FAM135A: variants seen among roughly 807,000 people sequenced by gnomAD.
FAM135A encodes protein FAM135A.
FAM135A carries 79 observed loss-of-function variants against 146.8 expected under a neutral mutation model. The observed-to-expected ratio is 0.54, with a 90% CI of 0.45 to 0.65. The LOEUF is 0.65. Ranked by LOEUF, FAM135A falls within the 30% of genes least tolerant of loss-of-function variation. The pLI is 0.00. For synonymous variants in FAM135A, 562 were observed against 603.6 expected (o/e 0.93, Z 1.01); for missense variants, 1,623 against 1,758.2 (o/e 0.92, Z 1.38).
chr6:70,429,706 T>C (rs746913175), intron 4 of FAM135A, among the ~76,000 whole-genome samples: 4 of 152,114 alleles, frequency 2.6e-5, no homozygotes, highest in Middle Eastern at 3.2e-3. Context: ...TAAAATTTTA[T>C]CACTATTATT....
chr6:70,483,630 A>C (rs1461684313), intron 10 of FAM135A, among the ~76,000 whole-genome samples: 1 of 152,184 alleles, frequency 6.6e-6, no homozygotes, highest in Admixed American at 6.5e-5. Flanking sequence ...TTATGTTTCA[A>C]ATATCTTTAT....
In FAM135A at chr6:70,526,798, C is replaced by CAT. The variant is rs1408932139; in HGVS notation, c.3614+101_3614+102insTA. ...ACACACACACACACACACACACACA[C>CAT]ACACATATATATATAAAATCATAGA... On this transcript the variant is annotated intron_variant, in intron 15 of 21. Coordinates refer to ENST00000418814, the MANE Select transcript of FAM135A (RefSeq NM_001162529.3). The CAT allele has an allele frequency of 2.4e-4, 185 of 762,558 alleles. No homozygotes were observed. In the East Asian group the frequency reaches 2.7e-3, roughly 11 times the overall value. The allele number at this position is 762,558 out of a possible 1,614,324, so 47.2% of individuals were successfully genotyped here.
chr6:70,461,669 A>G (rs1779477596), intron 5 of FAM135A, among the ~76,000 whole-genome samples: 1 of 152,102 alleles, frequency 6.6e-6, no homozygotes, highest in South Asian at 2.1e-4. Context: ...GAAGAAGAGA[A>G]CTCCCGAAAG....
At position 70,477,199 on chromosome 6, in the gene FAM135A, A is replaced by C. The variant is rs1286215247; in HGVS notation, c.409A>C (p.Thr137Pro). The C allele has an allele frequency of 6.2e-7, 1 of 1,613,656 alleles. No individual in the cohort carries two copies. Among genetic ancestry groups the C allele is most frequent in the African/African-American group, 1.3e-5 (1 of 75,032 alleles). The change falls in exon 8 of 22, where the codon ACA becomes CCA. Residue 137 changes from threonine to proline, a missense_variant. Thr to Pro is a conservative substitution (Grantham distance 38). Around this residue, in one of 7 missense-constraint regions of FAM135A, gnomAD observed 171 missense variants for 164.9 expected, o/e 1.04. Transcript: ENST00000418814. ...TGCCTTGCAACTAATAAGTAGCCGA[A>C]CATTGAAGCTGCACTTTAGCCCCCA... is the stretch of plus-strand genomic sequence containing the variant. ...LNALQLISSR[T>P]LKLHFSPHRG...
At chr6:70,484,405 G>T (rs1784250692) in intron 10 of FAM135A, among the ~76,000 whole-genome samples, 1 of 152,140 alleles carries the variant, frequency 6.6e-6, no homozygotes, top group Non-Finnish European at 1.5e-5. Context: ...CTAAAAGGTA[G>T]TATGTTTATT....
Position 70,524,778 on chromosome 6 carries a change from T to C in FAM135A, c.1694T>C (p.Met565Thr). The change falls in exon 15 of 22, where the codon ATG becomes ACG. Residue 565 changes from methionine to threonine, a missense_variant. Transcript: ENST00000418814. The stretch of plus-strand genomic sequence containing the variant: ...TATAATTTTGACCCAAAGACCTACA[T>C]GAGACAGACAAGTCAAAAGGAAGCT... ...CGYNFDPKTYMRQTSQKEASC... is the reference protein window; with the variant it reads ...CGYNFDPKTYTRQTSQKEASC... 6.4e-7 allele frequency: 1 copy of C among 1,551,544 alleles called. No individual in the cohort carries two copies. The highest frequency in any genetic ancestry group is 1.2e-5 in the South Asian group (1 of 83,960).
chr6:70,430,494 T>C (rs948897117), intron 4 of FAM135A, among the ~76,000 whole-genome samples: 1 of 152,216 alleles, frequency 6.6e-6, no homozygotes, highest in African/African-American at 2.4e-5. Context: ...TTAAAAAACT[T>C]TGTGGACTGT....
At chr6:70,508,059 T>A (rs552699640) in intron 12 of FAM135A, among the ~76,000 whole-genome samples, 1 of 152,254 alleles carries the variant, frequency 6.6e-6, no homozygotes, top group South Asian at 2.1e-4. Flanking sequence ...TGAGCCTAGA[T>A]TTCCACAGCT....
At chr6:70,430,849 A>T (rs947064002) in intron 4 of FAM135A, among the ~76,000 whole-genome samples, 2 of 152,216 alleles carry the variant, frequency 1.3e-5, no homozygotes, top group South Asian at 2.1e-4. Flanking sequence ...GATTCTGCTT[A>T]TAAAATGACT....
Position 70,560,182 on chromosome 6 carries a change from G to A in FAM135A, c.*261G>A. Reference sequence around the variant, plus strand: ...TATATTTTGCTACCTAAGTATTTCAGTGAAACTTTAAGCCCATACCTGTGT... The same window carrying A: ...TATATTTTGCTACCTAAGTATTTCAATGAAACTTTAAGCCCATACCTGTGT... On this transcript the variant is annotated 3_prime_UTR_variant, in exon 22 of 22. Coordinates refer to ENST00000418814, the MANE Select transcript of FAM135A (RefSeq NM_001162529.3). 2.9e-6 allele frequency: 1 copy of A among 342,048 alleles called. No individual in the cohort carries two copies. The highest frequency in any genetic ancestry group is 3.5e-5 in the South Asian group (1 of 28,268). 21.2% of individuals were successfully genotyped at this position (342,048 alleles called of 1,614,324 possible).
chr6:70,426,373 G>T (rs1770153472), intron 2 of FAM135A, 66 bp from the exon 3 acceptor site: 1 of 152,060 alleles, frequency 6.6e-6, no homozygotes, highest in Admixed American at 6.5e-5. Flanking sequence ...CAAAACATAG[G>T]TTTCCTTAAG....
Position 70,453,518 on chromosome 6 carries a change from A to G in FAM135A, c.157+947A>G, listed in dbSNP as rs1310573223. On this transcript the variant is annotated intron_variant, in intron 5 of 21. Coordinates refer to ENST00000418814, the MANE Select transcript of FAM135A (RefSeq NM_001162529.3). The stretch of plus-strand genomic sequence containing the variant: ...CCATGTTTGTTTGCTGCACCCATTA[A>G]TTCATCATTTACATTAGGTGTTTCT... 2.6e-5 allele frequency among the ~76,000 whole-genome samples: 4 copies of G among 152,166 alleles called. No homozygotes were observed. In the East Asian group the frequency reaches 7.7e-4, roughly 29 times the overall value.
chr6:70,457,598 A>G (rs1778616509), intron 5 of FAM135A, among the ~76,000 whole-genome samples: 2 of 152,184 alleles, frequency 1.3e-5, no homozygotes, highest in African/African-American at 4.8e-5. Context: ...GAGAAAAAAA[A>G]TTCTAGAAAA....
intron 4 of FAM135A, among the ~76,000 whole-genome samples, chr6:70,435,596 C>T (rs993971838): frequency 6.6e-6 from 1 of 151,600 alleles, no homozygotes; most frequent in Admixed American, 6.6e-5. Flanking sequence ...GTCGGCTCAT[C>T]GCAACCTCCA....
intron 9 of FAM135A, 130 bp from the exon 10 acceptor site, chr6:70,481,871 A>G (rs1783765466): frequency 1.2e-6 from 1 of 862,184 alleles, no homozygotes; most frequent in Non-Finnish European, 1.7e-6. Context: ...AAATATTACC[A>G]CATTTTTTAT....
intron 13 of FAM135A, 140 bp downstream of exon 13, chr6:70,522,726 A>G (rs912268827): frequency 4.1e-5 from 27 of 662,418 alleles, no homozygotes; most frequent in Middle Eastern, 4.3e-4. Context: ...AATCCCATCT[A>G]TAATCAAATT....
chr6:70,525,672 G>A lies in FAM135A; in HGVS notation c.2588G>A (p.Cys863Tyr). 1 of 1,612,500 alleles carries A rather than the reference G, an allele frequency of 6.2e-7. No individual in the cohort carries two copies. Among genetic ancestry groups the A allele is most frequent in the Non-Finnish European group, 8.5e-7 (1 of 1,179,432 alleles). Residue 863 changes from cysteine (C) to tyrosine (Y), a missense_variant, in exon 15 of 22, where the codon TGC becomes TAC. Around this residue, in one of 7 missense-constraint regions of FAM135A, gnomAD observed 1,061 missense variants for 1,113.8 expected, o/e 0.95. Transcript: ENST00000418814. ...TCTAAGAAATCTGTTGTACCTGAATGCCATCTAAATGATAGCAAAACTGTA... is the reference window on the plus strand; with the variant it reads ...TCTAAGAAATCTGTTGTACCTGAATACCATCTAAATGATAGCAAAACTGTA... ...ENSKKSVVPE[C>Y]HLNDSKTVLN...
chr6:70,550,525 C>CT (rs954725865), intron 20 of FAM135A, among the ~76,000 whole-genome samples: 2 of 152,066 alleles, frequency 1.3e-5, no homozygotes, highest in African/African-American at 4.8e-5. Context: ...TGAAAGGAAT[C>CT]TTTTTTTCTG....
chr6:70,526,337 G>A lies in FAM135A; in HGVS notation c.3253G>A (p.Asp1085Asn), dbSNP rs770445116. The A allele has an allele frequency of 1.2e-5, 20 of 1,613,352 alleles. No homozygotes were observed. The Admixed American group carries it at 3.0e-4, about 24-fold the overall frequency. Residue 1085 changes from aspartate to asparagine, a missense_variant, in exon 15 of 22, where the codon GAT (aspartate) becomes AAT (asparagine). Asp to Asn is a conservative substitution (Grantham distance 23). This residue lies in a region of FAM135A where 1,061 missense variants were observed against 1,113.8 expected (regional missense o/e 0.95). Coordinates refer to ENST00000418814, the MANE Select transcript of FAM135A (RefSeq NM_001162529.3). ...SNLQQEQDKEDEEEEQDQQMV... is the reference protein window; with the variant it reads ...SNLQQEQDKENEEEEQDQQMV... ...TCTTCAGCAGGAACAGGATAAAGAG[G>A]ATGAGGAGGAAGAGCAGGATCAACA... is the stretch of plus-strand genomic sequence containing the variant.
Sources: gnomAD v4.1 joint callset for allele counts (sites outside exome capture counted in the v4.1 genomes callset) on GRCh38, gnomAD v4.1.1 for gene constraint, gnomAD v4.1.1 regional missense constraint, MANE v1.5 for transcripts, NCBI Gene and HGNC (gene_info 2026-07-23, HGNC 2026-07-21) for gene names.